Variants in NLGN4X observed in about 807,000 individuals in gnomAD.
NLGN4X encodes the protein neuroligin 4 X-linked, also known as neuroligin-4, X-linked.
In NLGN4X, 3 loss-of-function variants were observed where a neutral mutation model predicts 40.3. That is an observed-to-expected ratio of 0.07 (90% CI 0.03 to 0.19). NLGN4X has a LOEUF of 0.19. Ranked by LOEUF, NLGN4X falls within the 10% of genes least tolerant of loss-of-function variation. NLGN4X has a pLI of 1.00. For synonymous variants in NLGN4X, 270 were observed against 306.8 expected, an observed-to-expected ratio of 0.88 and a Z score of 1.25; for missense variants, 382 against 708.3, an observed-to-expected ratio of 0.54 and a Z score of 5.23.
At chrX:5,966,886 T>C (rs747231266) in intron 3 of NLGN4X, among the ~76,000 whole-genome samples, 5 of 112,251 alleles carry the variant, frequency 4.5e-5, no homozygotes, top group Non-Finnish European at 9.4e-5. Flanking sequence ...ACTTAAAACT[T>C]GGAAGAGGAA....
At chrX:6,168,958 C>G (rs1395265845) in intron 1 of NLGN4X, among the ~76,000 whole-genome samples, 1 of 111,746 alleles carries the variant, frequency 8.9e-6, no homozygotes, top group Non-Finnish European at 1.9e-5. Flanking sequence ...TAAGGACATT[C>G]TAAGAGTAAA....
chrX:5,966,693 G>T (rs920254612), intron 3 of NLGN4X, among the ~76,000 whole-genome samples: 1 of 112,040 alleles, frequency 8.9e-6, no homozygotes, highest in African/African-American at 3.2e-5. Flanking sequence ...AATCTTGAGG[G>T]AGATACAAGC....
At chrX:6,083,827 T>C (rs913841529) in intron 2 of NLGN4X, among the ~76,000 whole-genome samples, 2 of 112,270 alleles carry the variant, frequency 1.8e-5, no homozygotes, top group Admixed American at 1.9e-4. Flanking sequence ...GTGTTGTGTT[T>C]GGAGTGTCTA....
chrX:5,948,729 G>C (rs2034213203), intron 3 of NLGN4X, among the ~76,000 whole-genome samples: 1 of 112,053 alleles, frequency 8.9e-6, no homozygotes, highest in South Asian at 3.7e-4. Context: ...GCCTGCTCTG[G>C]TTAGCTAATG....
chrX:6,025,561 G>C (rs756355709), intron 3 of NLGN4X, among the ~76,000 whole-genome samples: 10 of 111,748 alleles, frequency 8.9e-5, no homozygotes, highest in African/African-American at 3.3e-4. Flanking sequence ...GGTTGCTGCT[G>C]AGAGCCTATG....
At chrX:5,978,340 CT>C (rs1569165111) in intron 3 of NLGN4X, among the ~76,000 whole-genome samples, 1,517 of 11,105 alleles carry the variant, frequency 0.14, 63 homozygotes, top group Middle Eastern at 0.27. Flanking sequence ...TTCTTTCTTT[CT>C]TTCCCTTCCT....
At chrX:6,089,406 C>A (rs1240922255) in intron 2 of NLGN4X, among the ~76,000 whole-genome samples, 1 of 112,460 alleles carries the variant, frequency 8.9e-6, no homozygotes, top group Non-Finnish European at 1.9e-5. Context: ...CAAGTCTTAG[C>A]TATCATCATA....
chrX:6,024,813 G>A (rs1301939877), intron 3 of NLGN4X, among the ~76,000 whole-genome samples: 1 of 111,470 alleles, frequency 9.0e-6, no homozygotes, highest in African/African-American at 3.3e-5. Flanking sequence ...CCCCTTTCCC[G>A]GAAATCTCAT....
At chrX:6,110,018 A>G (rs1183296601) in intron 2 of NLGN4X, among the ~76,000 whole-genome samples, 1 of 111,010 alleles carries the variant, frequency 9.0e-6, no homozygotes, top group Non-Finnish European at 1.9e-5. Context: ...CTTTCCTGAC[A>G]CAGAAAAGGA....
intron 2 of NLGN4X, among the ~76,000 whole-genome samples, chrX:6,098,806 C>G (rs1298279564): frequency 9.0e-6 from 1 of 111,702 alleles, no homozygotes; most frequent in African/African-American, 3.3e-5. Context: ...CCTTCAACCG[C>G]CCGTTCTCAA....
At chrX:5,997,477 T>C (rs1355117115) in intron 3 of NLGN4X, among the ~76,000 whole-genome samples, 1 of 106,529 alleles carries the variant, frequency 9.4e-6, no homozygotes, top group Admixed American at 1.0e-4. Context: ...TATTACATGA[T>C]CTGTATTTCA....
intron 4 of NLGN4X, among the ~76,000 whole-genome samples, chrX:5,907,006 A>G (rs1050402634): frequency 1.8e-5 from 2 of 109,834 alleles, no homozygotes; most frequent in Non-Finnish European, 3.8e-5. Flanking sequence ...CTTTGAATCC[A>G]GAAGGTGGAT....
At chrX:5,899,984 C>T (rs1418651507) in intron 5 of NLGN4X, among the ~76,000 whole-genome samples, 2 of 111,780 alleles carry the variant, frequency 1.8e-5, no homozygotes, top group African/African-American at 3.3e-5. Context: ...GCCAATGTAG[C>T]GAAGATTGAA....
intron 2 of NLGN4X, among the ~76,000 whole-genome samples, chrX:6,132,357 A>T (rs2039698756): frequency 9.0e-6 from 1 of 111,560 alleles, no homozygotes; most frequent in Admixed American, 9.5e-5. Context: ...AGAATCAGTA[A>T]GTAAAAAACG....
intron 3 of NLGN4X, among the ~76,000 whole-genome samples, chrX:5,980,770 T>C (rs1318227592): frequency 3.6e-5 from 4 of 110,958 alleles, no homozygotes; most frequent in African/African-American, 6.5e-5. Flanking sequence ...CATCTTTATG[T>C]CAATAATACG....
chrX:5,912,369 C>A (rs1388275735), intron 3 of NLGN4X, among the ~76,000 whole-genome samples: 1 of 111,445 alleles, frequency 9.0e-6, no homozygotes, highest in Non-Finnish European at 1.9e-5. Flanking sequence ...CATTCCCTAG[C>A]CCCTGTCTGC....
chrX:6,071,308 C>T (rs1234501255), intron 2 of NLGN4X, among the ~76,000 whole-genome samples: 1 of 111,402 alleles, frequency 9.0e-6, no homozygotes, highest in Non-Finnish European at 1.9e-5. Flanking sequence ...TAGCTGAAGA[C>T]AGCACCCATG....
At chrX:5,943,607 C>A (rs1476395630) in intron 3 of NLGN4X, among the ~76,000 whole-genome samples, 1 of 112,321 alleles carries the variant, frequency 8.9e-6, no homozygotes, top group Non-Finnish European at 1.9e-5. Context: ...GTAGAAAATG[C>A]TCAAAAATAT....
chrX:6,055,369 T>C (rs1311777819), intron 2 of NLGN4X, among the ~76,000 whole-genome samples: 1 of 111,947 alleles, frequency 8.9e-6, no homozygotes, highest in Non-Finnish European at 1.9e-5. Flanking sequence ...CATGGTGGCA[T>C]CTGTAGTCCT....
Sources: allele counts gnomAD v4.1 joint callset (sites outside exome capture counted in the v4.1 genomes callset), GRCh38; gene constraint gnomAD v4.1.1; transcripts MANE v1.5; gene names NCBI Gene and HGNC (gene_info 2026-07-23, HGNC 2026-07-21).